The following RHEB variants were observed in gnomAD, a reference collection of about 807,000 sequenced individuals.
RHEB encodes GTP-binding protein Rheb.
In RHEB, 2 loss-of-function variants were observed where a neutral mutation model predicts 28.8. That is an observed-to-expected ratio of 0.07 (90% CI 0.03 to 0.22). The LOEUF (loss-of-function observed/expected upper bound fraction) is 0.22. Ranked by LOEUF, RHEB falls within the 10% of genes least tolerant of loss-of-function variation. RHEB has a pLI of 1.00. For synonymous variants in RHEB, 69 were observed against 77.3 expected (o/e 0.89, Z 0.56); for missense variants, 76 against 219.9 (o/e 0.35, Z 4.14).
chr7:151,515,607 T>C (rs575263261), intron 1 of RHEB, among the ~76,000 whole-genome samples: 11 of 152,336 alleles, frequency 7.2e-5, no homozygotes, highest in Admixed American at 5.9e-4. Context: ...GAATATACAA[T>C]TTCACATACT....
intron 2 of RHEB, among the ~76,000 whole-genome samples, chr7:151,489,581 T>G (rs576722124): frequency 6.6e-6 from 1 of 152,218 alleles, no homozygotes; most frequent in East Asian, 1.9e-4. Flanking sequence ...AAACTTTTTC[T>G]GTAAAGGGCC....
chr7:151,484,710 G>A (rs747204952), intron 3 of RHEB, 27 bp downstream of exon 3: 1 of 1,518,278 alleles, frequency 6.6e-7, no homozygotes, highest in Non-Finnish European at 9.2e-7. Context: ...TGCTGTATAA[G>A]ATTCTGAGAT....
chr7:151,477,261 G>A (rs1004401274), intron 4 of RHEB, 72 bp downstream of exon 4: 40 of 890,596 alleles, frequency 4.5e-5, no homozygotes, highest in Non-Finnish European at 6.4e-5. Context: ...AATAATTCCA[G>A]CACAGTCCCT....
chr7:151,467,035 A>G lies in RHEB; in HGVS notation c.*84T>C, dbSNP rs184654781. 23 of 959,476 alleles carry G rather than the reference A, an allele frequency of 2.4e-5. No individual in the cohort carries two copies. Among genetic ancestry groups the G allele is most frequent in the Middle Eastern group, 6.2e-4 (2 of 3,252 alleles). 59.4% of individuals were successfully genotyped at this position (959,476 alleles called of 1,614,324 possible). On this transcript the variant is annotated 3_prime_UTR_variant, in exon 8 of 8. Transcript: ENST00000262187. ...TTTCAGGTTAACAGAAGAAAAAAGA[A>G]GCATAGTTTATCTTCAAGGAGAACG... is the stretch of plus-strand genomic sequence containing the variant.
rs929485537 is a variant in RHEB, at chr7:151,468,673, C to T, written c.463-1462G>A. On this transcript the variant is annotated intron_variant, in intron 7 of 7. Coordinates refer to ENST00000262187, the MANE Select transcript of RHEB (RefSeq NM_005614.4). This position sits in a 1 kb window ranked among gnomAD's most constrained non-coding sequence, Gnocchi z 4.3. ...ATGAAAGAACTCCACATCCTCCATCCACCAAGCTGACCCACCCACTTGAAT... is the reference window on the plus strand; with the variant it reads ...ATGAAAGAACTCCACATCCTCCATCTACCAAGCTGACCCACCCACTTGAAT... Among the ~76,000 whole-genome samples the T allele has an allele frequency of 1.3e-5, 2 of 152,248 alleles. No homozygotes were observed. Among genetic ancestry groups the T allele is most frequent in the African/African-American group, 4.8e-5 (2 of 41,472 alleles).
At chr7:151,493,891 A>G (rs1293506002) in intron 1 of RHEB, among the ~76,000 whole-genome samples, 1 of 152,096 alleles carries the variant, frequency 6.6e-6, no homozygotes, top group Non-Finnish European at 1.5e-5. Flanking sequence ...AATTAGAAGG[A>G]GTAAAAAAAA....
rs148497862 is a variant in RHEB, at chr7:151,504,260, A to T, written c.53-13246T>A. Among the ~76,000 whole-genome samples the T allele has an allele frequency of 1.1e-3, 169 of 152,182 alleles. 1 individual carries two copies. The highest frequency in any genetic ancestry group is 1.7e-3 in the South Asian group (8 of 4,818). On this transcript the variant is annotated intron_variant, in intron 1 of 7. Coordinates refer to ENST00000262187, the MANE Select transcript of RHEB (RefSeq NM_005614.4). ...TCGAAACCAGTTTGGGTTGGATATG[A>T]TGGGGCTTCTGTGCTATTGCTGGGA...
intron 3 of RHEB, among the ~76,000 whole-genome samples, chr7:151,478,469 A>C (rs985702841): frequency 6.6e-6 from 1 of 152,122 alleles, no homozygotes. Context: ...AAAATCCCAA[A>C]TGATTTTAAT....
At chr7:151,483,054 C>A (rs1319022952) in intron 3 of RHEB, among the ~76,000 whole-genome samples, 1 of 152,202 alleles carries the variant, frequency 6.6e-6, no homozygotes, top group African/African-American at 2.4e-5. Flanking sequence ...TGCTAAAGCA[C>A]ACTGCATCAC....
At chr7:151,483,615 C>A (rs936016193) in intron 3 of RHEB, among the ~76,000 whole-genome samples, 9 of 152,268 alleles carry the variant, frequency 5.9e-5, no homozygotes, top group Admixed American at 5.9e-4. Context: ...ACTTGGGAGG[C>A]TGTGCCAGGA....
chr7:151,502,212 G>A, intron 1 of RHEB: 1 of 480,818 alleles, frequency 2.1e-6, no homozygotes, highest in Admixed American at 3.7e-5. Flanking sequence ...CTCCAGCCTG[G>A]GCGACAGAGC....
At chr7:151,474,152 G>A (rs771218530) in intron 4 of RHEB, among the ~76,000 whole-genome samples, 3 of 150,742 alleles carry the variant, frequency 2.0e-5, no homozygotes, top group East Asian at 1.9e-4. Flanking sequence ...TCACCTTTCC[G>A]ATTTTTTTTC....
rs138415225 is a variant in RHEB, at chr7:151,502,294, G to C, written c.53-11280C>G. 4.9e-4 allele frequency: 355 copies of C among 723,958 alleles called. 1 individual carries two copies. The African/African-American group carries it at 5.9e-3, about 12-fold the overall frequency. 44.8% of individuals were successfully genotyped at this position (723,958 alleles called of 1,614,324 possible). A position where few individuals can be genotyped will look rare whatever the true frequency, so the allele number is the denominator to read the frequency against. Reference sequence around the variant, plus strand: ...GCAATGGCACTAGCATGATATCACTGATCATTCCTCCCAAAGACCAGATTT... The same window carrying C: ...GCAATGGCACTAGCATGATATCACTCATCATTCCTCCCAAAGACCAGATTT... On this transcript the variant is annotated intron_variant, in intron 1 of 7. Transcript: ENST00000262187.
chr7:151,484,767 A>G lies in RHEB; in HGVS notation c.162T>C (p.Tyr54=). 6.2e-7 allele frequency: 1 copy of G among 1,612,874 alleles called. No homozygotes were observed. The change falls in exon 3 of 8, where the codon TAT becomes TAC. Residue 54 remains tyrosine (Y), a synonymous_variant. Coordinates refer to ENST00000262187, the MANE Select transcript of RHEB (RefSeq NM_005614.4). ...TKLITVNGQE[Y]HLQLVDTAGQ... ...CGGCTGTGTCTACAAGTTGAAGATG[A>G]TATTCTTGTCCATTTACTGTGATCA...
intron 4 of RHEB, among the ~76,000 whole-genome samples, chr7:151,474,259 C>T (rs371155880): frequency 1.3e-4 from 19 of 151,524 alleles, no homozygotes; most frequent in African/African-American, 4.6e-4. Context: ...GCTCATGATA[C>T]AGTCTCCGCC....
At chr7:151,515,018 A>G (rs899548342) in intron 1 of RHEB, among the ~76,000 whole-genome samples, 3 of 151,886 alleles carry the variant, frequency 2.0e-5, no homozygotes, top group Non-Finnish European at 1.5e-5. Flanking sequence ...CAGCCTGGGC[A>G]ACAGAGCAAG....
intron 1 of RHEB, chr7:151,502,228 C>CAA (rs34312270): frequency 2.5e-3 from 830 of 331,530 alleles, no homozygotes; most frequent in South Asian, 4.3e-3. Flanking sequence ...AGAGCTGTCT[C>CAA]AAAAAAAAAA....
At position 151,468,388 on chromosome 7, in the gene RHEB, G is replaced by A. The variant is rs1428123820; in HGVS notation, c.463-1177C>T. Reference sequence around the variant, plus strand: ...ACTTCAACTCCCTTCCCTACCAACTGTCGCTGGCACGGTGCCCGCGGCCAC... The same window carrying A: ...ACTTCAACTCCCTTCCCTACCAACTATCGCTGGCACGGTGCCCGCGGCCAC... On this transcript the variant is annotated intron_variant, in intron 7 of 7. Transcript: ENST00000262187. The surrounding 1 kb of genome is among the most constrained non-coding windows in gnomAD (Gnocchi z 4.3). Among the ~76,000 whole-genome samples the A allele has an allele frequency of 6.6e-6, 1 of 152,132 alleles. No individual in the cohort carries two copies. Among genetic ancestry groups the A allele is most frequent in the East Asian group, 1.9e-4 (1 of 5,184 alleles).
chr7:151,480,533 TAA>T (rs1283000949), intron 3 of RHEB, among the ~76,000 whole-genome samples: 1 of 152,132 alleles, frequency 6.6e-6, no homozygotes, highest in Non-Finnish European at 1.5e-5. Flanking sequence ...AGGAACGTCT[TAA>T]GTTTTACTAT....
Sources: allele counts gnomAD v4.1 joint callset (sites outside exome capture counted in the v4.1 genomes callset), GRCh38; gene constraint gnomAD v4.1.1; non-coding constraint Gnocchi (gnomAD v3.1); transcripts MANE v1.5; gene names NCBI Gene and HGNC (gene_info 2026-07-23, HGNC 2026-07-21).